The following LIX1L variants were observed in gnomAD, a reference collection of about 807,000 sequenced individuals.
The protein encoded by LIX1L is LIX1-like protein.
Under a neutral mutation model 34.0 loss-of-function variants are expected in LIX1L, and 20 were observed. That is an observed-to-expected ratio of 0.59 (90% CI 0.41 to 0.85). LIX1L has a LOEUF of 0.85. Ranked by LOEUF, LIX1L falls within the 40% of genes least tolerant of loss-of-function variation. LIX1L has a pLI of 0.00. For missense variants in LIX1L, 397 were observed against 447.0 expected, an observed-to-expected ratio of 0.89 and a Z score of 1.01; for synonymous variants, 170 against 187.4, an observed-to-expected ratio of 0.91 and a Z score of 0.76.
rs2101893018 is a variant in LIX1L, at chr1:145,937,596, G to C, written c.693+8C>G. 1 of 1,589,876 alleles carries C rather than the reference G, an allele frequency of 6.3e-7. No homozygotes were observed. The highest frequency in any genetic ancestry group is 8.6e-7 in the Non-Finnish European group (1 of 1,158,652). ...TTATTAGAACCAGGGAAGTACATGG[G>C]AAAGTACCTGGAACTCCAACATTGA... On this transcript the variant is annotated splice_region_variant and intron_variant, in intron 4 of 5. Transcript: ENST00000604000.
At chr1:145,946,607 A>T (rs1649120825) in intron 2 of LIX1L, among the ~76,000 whole-genome samples, 1 of 152,204 alleles carries the variant, frequency 6.6e-6, no homozygotes, top group African/African-American at 2.4e-5. Context: ...GCACTCATTC[A>T]TGCAACAGAC....
chr1:145,957,608 G>A, intron 1 of LIX1L, 28 bp downstream of exon 1: 5 of 1,480,712 alleles, frequency 3.4e-6, no homozygotes, highest in Non-Finnish European at 3.6e-6. Context: ...AGAGGGTGTC[G>A]CGCAGGAGGC....
Position 145,939,607 on chromosome 1 carries a change from A to C in LIX1L, c.598-1908T>G, listed in dbSNP as rs1648812127. ...CAGGCATGAACCTCAGCGCCCAGCCAGGAACCATAATTGCTTTCTTTTTTC... is the reference window on the plus strand; with the variant it reads ...CAGGCATGAACCTCAGCGCCCAGCCCGGAACCATAATTGCTTTCTTTTTTC... On this transcript the variant is annotated intron_variant, in intron 3 of 5. Coordinates refer to ENST00000604000, the MANE Select transcript of LIX1L (RefSeq NM_153713.3). Among the ~76,000 whole-genome samples, 3 of 150,828 alleles carry C rather than the reference A, an allele frequency of 2.0e-5. No homozygotes were observed. The South Asian group carries it at 6.3e-4, about 32-fold the overall frequency.
At chr1:145,937,162 A>T (rs1648684094) in intron 4 of LIX1L, among the ~76,000 whole-genome samples, 177 bp from the exon 5 acceptor site, 1 of 149,802 alleles carries the variant, frequency 6.7e-6, no homozygotes, top group Admixed American at 6.7e-5. Flanking sequence ...TTATTTATTT[A>T]TTTATTTATT....
chr1:145,949,313 G>A (rs1559242989), intron 1 of LIX1L, among the ~76,000 whole-genome samples: 1 of 152,168 alleles, frequency 6.6e-6, no homozygotes, highest in Non-Finnish European at 1.5e-5. Context: ...TAGTTAAGAA[G>A]GTCAAAGAAA....
At position 145,935,584 on chromosome 1, in the gene LIX1L, T is replaced by A. The variant is rs1327371260; in HGVS notation, c.*726A>T. On this transcript the variant is annotated 3_prime_UTR_variant, in exon 6 of 6. Coordinates refer to ENST00000604000, the MANE Select transcript of LIX1L (RefSeq NM_153713.3). Reference sequence around the variant, plus strand: ...AGGGAATACTGAAAGAGAATCAGTTTCAACCATAACCCCCATCTACTGTAG... The same window carrying A: ...AGGGAATACTGAAAGAGAATCAGTTACAACCATAACCCCCATCTACTGTAG... The A allele has an allele frequency of 6.6e-6, 1 of 152,314 alleles. No homozygotes were observed. Among genetic ancestry groups the A allele is most frequent in the Non-Finnish European group, 1.5e-5 (1 of 68,078 alleles). 9.4% of individuals were successfully genotyped at this position (152,314 alleles called of 1,614,324 possible).
intron 2 of LIX1L, chr1:145,944,659 G>A (rs587694739): frequency 6.6e-6 from 1 of 152,346 alleles, no homozygotes; most frequent in South Asian, 2.1e-4. Context: ...AATTTGAGCA[G>A]TTATGGATAT....
At chr1:145,953,104 T>TG (rs1199480847) in intron 1 of LIX1L, among the ~76,000 whole-genome samples, 3 of 151,536 alleles carry the variant, frequency 2.0e-5, no homozygotes, top group East Asian at 2.0e-4. Context: ...TTTGTAGAGA[T>TG]GGGGTCTCAC....
chr1:145,933,447 A>G lies in LIX1L; in HGVS notation c.*2863T>C, dbSNP rs1648501725. ...CTCACTAGACAAAAATCTATTTTTA[A>G]TTGTATAAAATTATACATATAAAAT... On this transcript the variant is annotated 3_prime_UTR_variant, in exon 6 of 6. Transcript: ENST00000604000. 1 of 152,242 alleles carries G rather than the reference A, an allele frequency of 6.6e-6. No individual in the cohort carries two copies. The highest frequency in any genetic ancestry group is 6.5e-5 in the Admixed American group (1 of 15,280). The allele number at this position is 152,242 out of a possible 1,614,324, so 9.4% of individuals were successfully genotyped here. A position where few individuals can be genotyped will look rare whatever the true frequency, so the allele number is the denominator to read the frequency against.
In LIX1L at chr1:145,936,248, A is replaced by T. The variant is rs1648637337; in HGVS notation, c.*62T>A. On this transcript the variant is annotated 3_prime_UTR_variant, in exon 6 of 6. Transcript: ENST00000604000. ...AAGTATGTACAAAAAATCATCCTAA[A>T]TCTTAGAAAGGAGACATAAAAAAAG... 1 of 1,564,828 alleles carries T rather than the reference A, an allele frequency of 6.4e-7. No homozygotes were observed. The highest frequency in any genetic ancestry group is 1.4e-5 in the African/African-American group (1 of 73,098).
At chr1:145,953,471 A>G (rs959197714) in intron 1 of LIX1L, among the ~76,000 whole-genome samples, 1 of 152,160 alleles carries the variant, frequency 6.6e-6, no homozygotes. Context: ...CTAGTTAACA[A>G]TAGTTCATCT....
Position 145,935,193 on chromosome 1 carries a change from C to G in LIX1L, c.*1117G>C, listed in dbSNP as rs1648592801. On this transcript the variant is annotated 3_prime_UTR_variant, in exon 6 of 6. Transcript: ENST00000604000. ...CAAAAAAAAAAAAAAACCACACACACACACAAATAACTGATCATTGATTCT... is the reference window on the plus strand; with the variant it reads ...CAAAAAAAAAAAAAAACCACACACAGACACAAATAACTGATCATTGATTCT... 1 of 150,942 alleles carries G rather than the reference C, an allele frequency of 6.6e-6. No individual in the cohort carries two copies. Among genetic ancestry groups the G allele is most frequent in the Non-Finnish European group, 1.5e-5 (1 of 67,842 alleles). The allele number at this position is 150,942 out of a possible 1,614,324, so 9.4% of individuals were successfully genotyped here.
intron 3 of LIX1L, chr1:145,941,334 C>T (rs1309777435): frequency 2.6e-5 from 4 of 151,140 alleles, no homozygotes; most frequent in African/African-American, 9.8e-5. Context: ...CTCATTGCAA[C>T]CTCTGCCTCC....
chr1:145,938,536 G>T (rs1648757560), intron 3 of LIX1L, among the ~76,000 whole-genome samples: 1 of 151,864 alleles, frequency 6.6e-6, no homozygotes, highest in Non-Finnish European at 1.5e-5. Context: ...TACCTTAAAT[G>T]ATTGTTTTGA....
At chr1:145,957,405 C>G (rs1553760499) in intron 1 of LIX1L, among the ~76,000 whole-genome samples, 2 of 152,166 alleles carry the variant, frequency 1.3e-5, no homozygotes, top group Non-Finnish European at 1.5e-5. Flanking sequence ...AGGATTGTAT[C>G]TGAAAAAGAG....
At chr1:145,943,257 C>T (rs1195203034) in intron 2 of LIX1L, among the ~76,000 whole-genome samples, 1 of 152,160 alleles carries the variant, frequency 6.6e-6, no homozygotes, top group Non-Finnish European at 1.5e-5. Flanking sequence ...TTTTGGATTC[C>T]TCTAGATAAC....
At position 145,936,329 on chromosome 1, in the gene LIX1L, A is replaced by G. The variant is rs868941520; in HGVS notation, c.995T>C (p.Met332Thr). 3 of 1,614,194 alleles carry G rather than the reference A, an allele frequency of 1.9e-6. No homozygotes were observed. The highest frequency in any genetic ancestry group is 4.5e-5 in the East Asian group (2 of 44,888). Reference sequence around the variant, plus strand: ...GGATGCCTAGCAGTTGGAAGAATGCATATTGCCCAACTGCCCAGCAGCCAG... The same window carrying G: ...GGATGCCTAGCAGTTGGAAGAATGCGTATTGCCCAACTGCCCAGCAGCCAG... ...LVLAAGQLGN[M>T]HSSNC Residue 332 changes from methionine (M) to threonine (T), a missense_variant, in exon 6 of 6, where the codon ATG becomes ACG. Met to Thr is a moderately conservative substitution (Grantham distance 81). This residue lies in a region of LIX1L where 174 missense variants were observed against 204.0 expected (regional missense o/e 0.85). Transcript: ENST00000604000.
intron 2 of LIX1L, 77 bp downstream of exon 2, chr1:145,947,542 A>G (rs1649156193): frequency 6.7e-7 from 1 of 1,485,350 alleles, no homozygotes; most frequent in Non-Finnish European, 9.3e-7. Context: ...CAGGCAGTTT[A>G]ATGGCCAAAG....
chr1:145,942,429 G>A (rs1274408829), intron 3 of LIX1L, among the ~76,000 whole-genome samples: 1 of 152,064 alleles, frequency 6.6e-6, no homozygotes, highest in African/African-American at 2.4e-5. Flanking sequence ...TTTTGGAATA[G>A]CTCTACAATT....
Sources: gnomAD v4.1 joint callset for allele counts (sites outside exome capture counted in the v4.1 genomes callset) on GRCh38, gnomAD v4.1.1 for gene constraint, gnomAD v4.1.1 regional missense constraint, MANE v1.5 for transcripts, NCBI Gene and HGNC (gene_info 2026-07-23, HGNC 2026-07-21) for gene names.